The following PPP1R14C variants were observed in gnomAD, a reference collection of about 807,000 sequenced individuals.
The protein encoded by PPP1R14C is protein phosphatase 1 regulatory subunit 14C.
In PPP1R14C, 16 loss-of-function variants were observed where a neutral mutation model predicts 20.4. The observed-to-expected ratio is 0.78, with a 90% CI of 0.53 to 1.19. The LOEUF is 1.19. PPP1R14C is among the 50% of genes most tolerant of loss of function. The pLI, the probability that PPP1R14C is intolerant of heterozygous loss-of-function variation, is 0.00. For missense variants in PPP1R14C, 211 were observed against 220.1 expected, an observed-to-expected ratio of 0.96 and a Z score of 0.26; for synonymous variants, 91 against 91.0, an observed-to-expected ratio of 1.00 and a Z score of 0.00.
chr6:150,241,048 G>GTGGGCACCTAAGTGGGTGC (rs1778425929), intron 3 of PPP1R14C, among the ~76,000 whole-genome samples: 1 of 152,088 alleles, frequency 6.6e-6, no homozygotes, highest in African/African-American at 2.4e-5. Context: ...GCATGTCTTG[G>GTGGGCACCTAAGTGGGTGC]TGGGCACCTA....
At chr6:150,215,082 T>A (rs570721214) in intron 2 of PPP1R14C, among the ~76,000 whole-genome samples, 1 of 152,338 alleles carries the variant, frequency 6.6e-6, no homozygotes, top group East Asian at 1.9e-4. Context: ...CCCCATTTTC[T>A]TGGGAGAAAC....
At chr6:150,207,480 G>GT (rs1777968315) in intron 1 of PPP1R14C, among the ~76,000 whole-genome samples, 1 of 152,180 alleles carries the variant, frequency 6.6e-6, no homozygotes, top group Non-Finnish European at 1.5e-5. Context: ...GCCTCCATCT[G>GT]TTTCGTTCTT....
chr6:150,212,307 T>C (rs1366882012), intron 1 of PPP1R14C, among the ~76,000 whole-genome samples: 1 of 152,176 alleles, frequency 6.6e-6, no homozygotes. Context: ...TATTCAAATG[T>C]GCTTACCACA....
intron 3 of PPP1R14C, among the ~76,000 whole-genome samples, chr6:150,236,599 G>A (rs12526741): frequency 0.14 from 20,793 of 149,448 alleles, 1,596 homozygotes; most frequent in African/African-American, 0.21. Context: ...AGCGGAGGGA[G>A]GTGGTTGGTG....
intron 1 of PPP1R14C, among the ~76,000 whole-genome samples, chr6:150,211,037 C>T (rs748410035): frequency 3.0e-4 from 46 of 152,220 alleles, no homozygotes; most frequent in Non-Finnish European, 6.6e-4. Context: ...CCCTCTAAAC[C>T]TGTTCAAATC....
chr6:150,171,003 G>C (rs1227298324), intron 1 of PPP1R14C, among the ~76,000 whole-genome samples: 2 of 151,758 alleles, frequency 1.3e-5, no homozygotes, highest in African/African-American at 2.4e-5. Context: ...TGTACTCTCT[G>C]CCCAGTCCCC....
chr6:150,161,737 C>G (rs910047185), intron 1 of PPP1R14C, among the ~76,000 whole-genome samples: 1 of 152,244 alleles, frequency 6.6e-6, no homozygotes, highest in African/African-American at 2.4e-5. Flanking sequence ...TTAACAGACT[C>G]TACTTATTTC....
intron 1 of PPP1R14C, chr6:150,195,314 T>C (rs2114891418): frequency 3.5e-6 from 1 of 286,906 alleles, no homozygotes; most frequent in South Asian, 1.3e-4. Flanking sequence ...AAGGAGCTCT[T>C]AGTTTGCTAG....
rs182777172 is a variant in PPP1R14C, at chr6:150,148,556, G to A, written c.306+5058G>A. Among the ~76,000 whole-genome samples the A allele has an allele frequency of 7.2e-5, 11 of 152,290 alleles. No homozygotes were observed. In the Middle Eastern group the frequency reaches 0.01, roughly 141 times the overall value. On this transcript the variant is annotated intron_variant, in intron 1 of 3. Coordinates refer to ENST00000361131, the MANE Select transcript of PPP1R14C (RefSeq NM_030949.3). Reference sequence around the variant, plus strand: ...GCCTCTCCTTTTACATGCAGATCCTGGATTTCCACAGACTTTTCCAGGTAC... The same window carrying A: ...GCCTCTCCTTTTACATGCAGATCCTAGATTTCCACAGACTTTTCCAGGTAC...
rs150050167 is a variant in PPP1R14C, at chr6:150,229,361, T to G, written c.423+12505T>G. On this transcript the variant is annotated intron_variant, in intron 3 of 3. Transcript: ENST00000361131. The stretch of plus-strand genomic sequence containing the variant: ...ATTTTGCCAAATTTACTCTATTGAT[T>G]ATTTACTGTGACTGGATGATATATG... Among the ~76,000 whole-genome samples, 36 of 152,334 alleles carry G rather than the reference T, an allele frequency of 2.4e-4. 1 individual carries two copies. The East Asian group carries it at 6.4e-3, about 27-fold the overall frequency.
Position 150,143,087 on chromosome 6 carries a change from C to G in PPP1R14C, c.-106C>G, listed in dbSNP as rs987734764. On this transcript the variant is annotated 5_prime_UTR_variant, in exon 1 of 4. Coordinates refer to ENST00000361131, the MANE Select transcript of PPP1R14C (RefSeq NM_030949.3). This position sits in a 1 kb window ranked among gnomAD's most constrained non-coding sequence, Gnocchi z 5.6. ...GGCGCGCGCGGCGCAGAGCAGGTGCCGGGGAGCCCTTCGCATGCGGCTGCC... is the reference window on the plus strand; with the variant it reads ...GGCGCGCGCGGCGCAGAGCAGGTGCGGGGGAGCCCTTCGCATGCGGCTGCC... The G allele has an allele frequency of 7.1e-6, 8 of 1,120,686 alleles. No individual in the cohort carries two copies. The highest frequency in any genetic ancestry group is 7.6e-6 in the Non-Finnish European group (7 of 921,932). 69.4% of individuals were successfully genotyped at this position (1,120,686 alleles called of 1,614,324 possible).
chr6:150,216,720 A>G (rs1778098529), intron 2 of PPP1R14C, 104 bp from the exon 3 acceptor site: 1 of 771,018 alleles, frequency 1.3e-6, no homozygotes, highest in Admixed American at 2.8e-5. Flanking sequence ...TTGATTTACC[A>G]TTATAAAATA....
chr6:150,220,778 C>G (rs1241291800), intron 3 of PPP1R14C, among the ~76,000 whole-genome samples: 4 of 152,216 alleles, frequency 2.6e-5, no homozygotes, highest in Non-Finnish European at 5.9e-5. Context: ...AGCCCGTTCT[C>G]TCCCTAGGTT....
intron 1 of PPP1R14C, among the ~76,000 whole-genome samples, chr6:150,184,292 C>T (rs1358684329): frequency 6.6e-6 from 1 of 152,178 alleles, no homozygotes; most frequent in Admixed American, 6.5e-5. Context: ...CATACCACCT[C>T]CTCTTGCTCC....
intron 3 of PPP1R14C, 51 bp from the exon 4 acceptor site, chr6:150,248,695 C>T (rs778257097): frequency 2.4e-6 from 3 of 1,272,414 alleles, no homozygotes; most frequent in Non-Finnish European, 3.4e-6. Flanking sequence ...GATTTTTAAA[C>T]ACAGAATTTT....
intron 1 of PPP1R14C, 102 bp from the exon 2 acceptor site, chr6:150,214,642 C>A (rs1297109958): frequency 3.8e-6 from 3 of 789,410 alleles, no homozygotes; most frequent in South Asian, 1.6e-5. Flanking sequence ...CAGCCCTTCT[C>A]AATTGATGAT....
chr6:150,192,134 G>A (rs925110127), intron 1 of PPP1R14C, among the ~76,000 whole-genome samples: 9 of 152,182 alleles, frequency 5.9e-5, no homozygotes, highest in Admixed American at 2.0e-4. Flanking sequence ...AGGCTGGTCC[G>A]TTTTGACTTT....
At chr6:150,178,578 G>C (rs530696103) in intron 1 of PPP1R14C, among the ~76,000 whole-genome samples, 28 of 152,330 alleles carry the variant, frequency 1.8e-4, no homozygotes, top group Non-Finnish European at 3.1e-4. Context: ...CAACCAAAGA[G>C]ATGTTTATCT....
At chr6:150,183,218 G>C (rs1358727) in intron 1 of PPP1R14C, among the ~76,000 whole-genome samples, 1 of 151,272 alleles carries the variant, frequency 6.6e-6, no homozygotes, top group South Asian at 2.1e-4. Flanking sequence ...ATCTCGGACT[G>C]TTAGCAAGCA....
Sources: allele counts gnomAD v4.1 joint callset (sites outside exome capture counted in the v4.1 genomes callset), GRCh38; gene constraint gnomAD v4.1.1; non-coding constraint Gnocchi (gnomAD v3.1); transcripts MANE v1.5; gene names NCBI Gene and HGNC (gene_info 2026-07-23, HGNC 2026-07-21).